SORCS2: variants seen among roughly 807,000 people sequenced by gnomAD.
SORCS2 encodes the protein VPS10 domain-containing receptor SorCS2.
Under a neutral mutation model 141.6 loss-of-function variants are expected in SORCS2, and 100 were observed. The ratio of observed to expected loss-of-function variants is 0.71; its 90% CI spans 0.60 to 0.83. SORCS2 has a LOEUF of 0.83. Among genes scored for constraint, SORCS2 ranks in the 40% least tolerant of loss-of-function variants. SORCS2 has a pLI of 0.00. For synonymous variants in SORCS2, 789 were observed against 676.9 expected (o/e 1.17, Z -2.57); for missense variants, 1,646 against 1,560.2 (o/e 1.05, Z -0.93).
At chr4:7,327,062 G>T (rs543491679) in intron 1 of SORCS2, among the ~76,000 whole-genome samples, 2 of 152,210 alleles carry the variant, frequency 1.3e-5, no homozygotes, top group Admixed American at 1.3e-4. Context: ...GCTCTCCCCT[G>T]TCCCTGTTCT....
chr4:7,643,446 T>A (rs1244860691), intron 4 of SORCS2, among the ~76,000 whole-genome samples: 1 of 152,172 alleles, frequency 6.6e-6, no homozygotes, highest in Non-Finnish European at 1.5e-5. Context: ...TGAATTTTAT[T>A]CCCCATCAAG....
chr4:7,451,787 A>G (rs1031201440), intron 2 of SORCS2, among the ~76,000 whole-genome samples: 1 of 152,202 alleles, frequency 6.6e-6, no homozygotes, highest in Non-Finnish European at 1.5e-5. Context: ...GCAGGATTGC[A>G]GAGGAGTGAG....
At chr4:7,427,730 G>C (rs779536139) in intron 2 of SORCS2, among the ~76,000 whole-genome samples, 7 of 152,174 alleles carry the variant, frequency 4.6e-5, no homozygotes, top group Non-Finnish European at 8.8e-5. Context: ...GAGGCAGGGG[G>C]CAAGAGAGTG....
intron 3 of SORCS2, among the ~76,000 whole-genome samples, chr4:7,604,400 C>T (rs1459117682): frequency 5.3e-5 from 8 of 152,264 alleles, no homozygotes; most frequent in Non-Finnish European, 1.0e-4. Flanking sequence ...TCACTGCAAG[C>T]TCCGCCTCCC....
chr4:7,659,896 G>C (rs555363740), intron 5 of SORCS2, among the ~76,000 whole-genome samples: 1 of 152,334 alleles, frequency 6.6e-6, no homozygotes, highest in East Asian at 1.9e-4. Context: ...CAACCTGTGT[G>C]ATGAAAAGAT....
intron 2 of SORCS2, among the ~76,000 whole-genome samples, chr4:7,421,428 T>C (rs927713076): frequency 1.3e-5 from 2 of 152,200 alleles, no homozygotes; most frequent in African/African-American, 4.8e-5. Context: ...CTGAGCCTGG[T>C]TTACTGCATC....
chr4:7,514,359 C>G (rs1577681877), intron 2 of SORCS2, among the ~76,000 whole-genome samples: 1 of 152,126 alleles, frequency 6.6e-6, no homozygotes, highest in Admixed American at 6.5e-5. Context: ...GAAGAGGCTG[C>G]TGCTGCTTCC....
chr4:7,419,715 A>G (rs774506105), intron 2 of SORCS2, among the ~76,000 whole-genome samples: 4 of 152,198 alleles, frequency 2.6e-5, no homozygotes, highest in Non-Finnish European at 4.4e-5. Context: ...TCTCAGACAA[A>G]TAGGCCTCTC....
intron 2 of SORCS2, among the ~76,000 whole-genome samples, chr4:7,427,954 G>A (rs191592411): frequency 4.6e-5 from 7 of 152,230 alleles, no homozygotes; most frequent in African/African-American, 1.4e-4. Flanking sequence ...GAGGGCGGGG[G>A]GATGGAGGTT....
Position 7,589,940 on chromosome 4 carries a change from C to A in SORCS2, c.649-48388C>A, listed in dbSNP as rs75281658. Among the ~76,000 whole-genome samples, 1,396 of 152,292 alleles carry A rather than the reference C, an allele frequency of 9.2e-3. 9 individuals are homozygous for A. Among genetic ancestry groups the A allele is most frequent in the Middle Eastern group, 0.024 (7 of 294 alleles). The stretch of plus-strand genomic sequence containing the variant: ...ACCAGGTCTGTGTGTGAACCAAGAG[C>A]TTTCCATGTGACTGCCTGGGGCACG... On this transcript the variant is annotated intron_variant, in intron 3 of 26. Transcript: ENST00000507866.
Position 7,381,826 on chromosome 4 carries a change from G to T in SORCS2, c.481-14462G>T, listed in dbSNP as rs1018276722. 4.7e-6 allele frequency: 4 copies of T among 854,992 alleles called. No individual in the cohort carries two copies. The African/African-American group carries it at 7.3e-5, about 16-fold the overall frequency. The allele number at this position is 854,992 out of a possible 1,614,324, so 53.0% of individuals were successfully genotyped here. On this transcript the variant is annotated intron_variant, in intron 1 of 26. Transcript: ENST00000507866. ...GCAGCCTGAAGGCCACCATGTGCCA[G>T]GAGCCAGGGCCAGAGAGCCTTAGGC...
At chr4:7,298,573 C>T (rs1199669727) in intron 1 of SORCS2, among the ~76,000 whole-genome samples, 3 of 152,200 alleles carry the variant, frequency 2.0e-5, no homozygotes, top group South Asian at 2.1e-4. Flanking sequence ...CTTGGAGCCA[C>T]TGGCGGCTGT....
At chr4:7,445,669 C>A (rs1265156148) in intron 2 of SORCS2, among the ~76,000 whole-genome samples, 2 of 152,184 alleles carry the variant, frequency 1.3e-5, no homozygotes, top group Non-Finnish European at 2.9e-5. Flanking sequence ...GGCCTAAACG[C>A]TTCTCTAAGT....
intron 2 of SORCS2, 59 bp from the exon 3 acceptor site, chr4:7,531,471 G>A: frequency 6.6e-7 from 1 of 1,518,360 alleles, no homozygotes. Flanking sequence ...CACCGTGTGG[G>A]CTGACGAAGG....
chr4:7,658,550 C>G (rs374621508), intron 5 of SORCS2, among the ~76,000 whole-genome samples: 1 of 152,232 alleles, frequency 6.6e-6, no homozygotes, highest in Non-Finnish European at 1.5e-5. Flanking sequence ...GAAATCAACA[C>G]TCCACCTTGA....
intron 10 of SORCS2, among the ~76,000 whole-genome samples, chr4:7,689,205 G>T (rs987448934): frequency 2.0e-5 from 3 of 152,094 alleles, no homozygotes; most frequent in Non-Finnish European, 2.9e-5. Flanking sequence ...CCCTAATCTA[G>T]ATTAGGGAAC....
At chr4:7,388,035 C>T (rs55783146) in intron 1 of SORCS2, among the ~76,000 whole-genome samples, 1 of 148,400 alleles carries the variant, frequency 6.7e-6, no homozygotes, top group African/African-American at 2.5e-5. Flanking sequence ...GATACGCACA[C>T]ATGCACACAC....
intron 1 of SORCS2, among the ~76,000 whole-genome samples, chr4:7,390,329 G>A (rs1006171241): frequency 3.3e-5 from 5 of 152,204 alleles, no homozygotes; most frequent in Non-Finnish European, 5.9e-5. Flanking sequence ...GTGTCAGGCT[G>A]CTTCACAATC....
intron 2 of SORCS2, among the ~76,000 whole-genome samples, chr4:7,479,951 C>T (rs534815602): frequency 6.6e-6 from 1 of 152,334 alleles, no homozygotes; most frequent in East Asian, 1.9e-4. Context: ...CAGCCCTGGG[C>T]GCCATTTATT....
Sources: allele counts gnomAD v4.1 joint callset (sites outside exome capture counted in the v4.1 genomes callset), GRCh38; gene constraint gnomAD v4.1.1; transcripts MANE v1.5; gene names NCBI Gene and HGNC (gene_info 2026-07-23, HGNC 2026-07-21).